The following DMD variants were observed in gnomAD, a reference collection of about 807,000 sequenced individuals.
DMD encodes dystrophin.
A neutral mutation model predicts 330.1 loss-of-function variants in DMD; 63 were observed. That is an observed-to-expected ratio of 0.19 (90% confidence interval 0.16 to 0.24). The LOEUF (loss-of-function observed/expected upper bound fraction) is 0.24. Among genes scored for constraint, DMD ranks in the 10% least tolerant of loss-of-function variants. The pLI, the probability that DMD is intolerant of heterozygous loss-of-function variation, is 1.00. For synonymous variants in DMD, 1,223 were observed against 959.8 expected, an observed-to-expected ratio of 1.27 and a Z score of -5.07; for missense variants, 3,344 against 2,684.1, an observed-to-expected ratio of 1.25 and a Z score of -5.43.
intron 44 of DMD, among the ~76,000 whole-genome samples, chrX:32,148,507 AT>A (rs2096789371): frequency 2.7e-5 from 3 of 110,897 alleles, no homozygotes; most frequent in Non-Finnish European, 3.8e-5. Flanking sequence ...TACATATCCC[AT>A]TTCAGGGATG....
chrX:31,838,533 T>C (rs1724733113), intron 48 of DMD, among the ~76,000 whole-genome samples: 1 of 112,277 alleles, frequency 8.9e-6, no homozygotes, highest in Non-Finnish European at 1.9e-5. Flanking sequence ...TGTGTTTCTC[T>C]AAGACAAAGC....
intron 71 of DMD, among the ~76,000 whole-genome samples, chrX:31,175,760 C>T (rs1421784021): frequency 9.0e-6 from 1 of 111,212 alleles, no homozygotes; most frequent in African/African-American, 3.3e-5. Context: ...TCAATTCCAT[C>T]CCACCCACCA....
chrX:32,837,609 A>C (rs1292200584), intron 4 of DMD, among the ~76,000 whole-genome samples: 1 of 111,739 alleles, frequency 8.9e-6, no homozygotes, highest in East Asian at 2.8e-4. Flanking sequence ...GTTTCTATAA[A>C]TATTCCCCTG....
chrX:32,397,370 A>G (rs1419911234), intron 30 of DMD, among the ~76,000 whole-genome samples: 3 of 111,970 alleles, frequency 2.7e-5, no homozygotes, highest in African/African-American at 9.7e-5. Flanking sequence ...GAGAGGACAT[A>G]GCAAATCACG....
chrX:31,520,028 T>C (rs1028356065), intron 55 of DMD, among the ~76,000 whole-genome samples: 5 of 112,004 alleles, frequency 4.5e-5, no homozygotes, highest in African/African-American at 1.6e-4. Context: ...TGTTAATGTA[T>C]GAGGAAAAGG....
At chrX:32,116,171 C>T (rs1742670802) in intron 44 of DMD, among the ~76,000 whole-genome samples, 1 of 111,401 alleles carries the variant, frequency 9.0e-6, no homozygotes, top group African/African-American at 3.3e-5. Flanking sequence ...CTCTTTTGAA[C>T]TCAGTGCCCT....
intron 7 of DMD, among the ~76,000 whole-genome samples, chrX:32,782,907 CAT>C (rs2074928887): frequency 9.6e-6 from 1 of 104,043 alleles, no homozygotes; most frequent in African/African-American, 3.5e-5. Context: ...ACATATATAT[CAT>C]ATATACACAA....
intron 39 of DMD, among the ~76,000 whole-genome samples, chrX:32,344,446 C>T (rs2097757600): frequency 9.0e-6 from 1 of 111,401 alleles, no homozygotes; most frequent in Non-Finnish European, 1.9e-5. Context: ...GAATGAACTA[C>T]ATTTCATTAT....
At chrX:32,311,446 T>G in intron 41 of DMD, among the ~76,000 whole-genome samples, 1 of 111,711 alleles carries the variant, frequency 9.0e-6, no homozygotes. Context: ...TTCTCTGACC[T>G]AGGATTTTCA....
chrX:32,572,416 C>T (rs1261689616), intron 15 of DMD, among the ~76,000 whole-genome samples: 1 of 111,197 alleles, frequency 9.0e-6, no homozygotes, highest in Admixed American at 9.6e-5. Flanking sequence ...ATCAAATGAA[C>T]ATTTAATCAA....
At chrX:31,298,973 T>C (rs1905170418) in intron 62 of DMD, among the ~76,000 whole-genome samples, 1 of 112,223 alleles carries the variant, frequency 8.9e-6, no homozygotes, top group Non-Finnish European at 1.9e-5. Context: ...TCTTTTTCTT[T>C]TTTTGGGAAA....
intron 1 of DMD, among the ~76,000 whole-genome samples, chrX:33,043,280 G>A (rs1249310996): frequency 9.0e-6 from 1 of 111,233 alleles, no homozygotes; most frequent in East Asian, 2.8e-4. Flanking sequence ...AAAATAATAT[G>A]AACAAAAAGG....
chrX:31,801,252 A>G (rs964175380), intron 50 of DMD, among the ~76,000 whole-genome samples: 1 of 111,695 alleles, frequency 9.0e-6, no homozygotes, highest in Admixed American at 9.5e-5. Context: ...AGAGAGAATG[A>G]GTGCCAGCAA....
At chrX:32,851,791 C>A (rs2081158819) in intron 2 of DMD, among the ~76,000 whole-genome samples, 1 of 111,773 alleles carries the variant, frequency 8.9e-6, no homozygotes, top group South Asian at 3.8e-4. Context: ...GAACCCAGTG[C>A]TGCCCTGTCA....
At chrX:31,602,165 C>T (rs746218946) in intron 55 of DMD, among the ~76,000 whole-genome samples, 5 of 110,678 alleles carry the variant, frequency 4.5e-5, no homozygotes, top group African/African-American at 6.6e-5. Context: ...TAAAGGAAGA[C>T]GCCACCCCTT....
intron 43 of DMD, among the ~76,000 whole-genome samples, chrX:32,227,561 C>T (rs987567796): frequency 2.8e-5 from 3 of 106,656 alleles, no homozygotes; most frequent in African/African-American, 1.0e-4. Context: ...CTCAGAAGGG[C>T]GAGAGGGTGG....
chrX:31,806,984 C>T (rs188987354), intron 50 of DMD, among the ~76,000 whole-genome samples: 1 of 111,635 alleles, frequency 9.0e-6, no homozygotes, highest in East Asian at 2.8e-4. Flanking sequence ...CTAAAAAGGG[C>T]GAGAGCAACA....
chrX:31,543,460 T>G (rs1261225484), intron 55 of DMD, among the ~76,000 whole-genome samples: 2 of 112,099 alleles, frequency 1.8e-5, no homozygotes, highest in Non-Finnish European at 3.8e-5. Flanking sequence ...TGTGAGCCAC[T>G]GCACCTGGCC....
At chrX:31,864,441 G>C (rs2093761675) in intron 48 of DMD, among the ~76,000 whole-genome samples, 1 of 89,910 alleles carries the variant, frequency 1.1e-5, no homozygotes. Flanking sequence ...TTTTTGGAGT[G>C]TTTTTCTGGT....
Sources: gnomAD v4.1 joint callset for allele counts (sites outside exome capture counted in the v4.1 genomes callset) on GRCh38, gnomAD v4.1.1 for gene constraint, MANE v1.5 for transcripts, NCBI Gene and HGNC (gene_info 2026-07-23, HGNC 2026-07-21) for gene names.